Variants in ETS1 observed in about 807,000 individuals in gnomAD.
The protein encoded by ETS1 is protein C-ets-1.
Under a neutral mutation model 58.6 loss-of-function variants are expected in ETS1, and 15 were observed. That is an observed-to-expected ratio of 0.26 (90% CI 0.17 to 0.39). The LOEUF (loss-of-function observed/expected upper bound fraction) is 0.39, where lower values mean the gene tolerates loss of function less well. Among genes scored for constraint, ETS1 ranks in the 10% least tolerant of loss-of-function variants. The pLI is 1.00. For synonymous variants in ETS1, 214 were observed against 218.2 expected (o/e 0.98, Z 0.17); for missense variants, 417 against 610.5 (o/e 0.68, Z 3.34).
intron 3 of ETS1, chr11:128,526,987 G>C (rs552533232): frequency 1.5e-5 from 7 of 455,924 alleles, no homozygotes; most frequent in African/African-American, 6.0e-5. Flanking sequence ...CCTGATAGCA[G>C]TTCTCTCCCT....
intron 3 of ETS1, among the ~76,000 whole-genome samples, chr11:128,534,775 C>T (rs568338781): frequency 1.1e-4 from 16 of 152,316 alleles, no homozygotes; most frequent in Non-Finnish European, 1.8e-4. Context: ...TTTATAGCTG[C>T]ATAGTATTCC....
intron 3 of ETS1, among the ~76,000 whole-genome samples, chr11:128,539,184 G>T (rs1864018156): frequency 6.6e-6 from 1 of 152,136 alleles, no homozygotes; most frequent in Non-Finnish European, 1.5e-5. Context: ...GAAAAACAAA[G>T]AAAAAATAGA....
intron 3 of ETS1, among the ~76,000 whole-genome samples, chr11:128,531,217 G>C (rs1481012865): frequency 6.6e-6 from 1 of 152,210 alleles, no homozygotes; most frequent in Non-Finnish European, 1.5e-5. Flanking sequence ...CTGCTCTCCA[G>C]ATGTCAGTCT....
At chr11:128,477,831 AG>A (rs1013236426) in intron 8 of ETS1, among the ~76,000 whole-genome samples, 16 of 152,212 alleles carry the variant, frequency 1.1e-4, no homozygotes, top group African/African-American at 3.9e-4. Context: ...GTTATAATTG[AG>A]GGTTTTTTTC....
intron 3 of ETS1, among the ~76,000 whole-genome samples, chr11:128,520,258 C>CT (rs1863630343): frequency 1.3e-5 from 2 of 152,116 alleles, no homozygotes; most frequent in Non-Finnish European, 2.9e-5. Flanking sequence ...AAAAAAATTG[C>CT]CTCAGCTGTT....
chr11:128,551,596 T>C (rs1245233261), intron 3 of ETS1, among the ~76,000 whole-genome samples: 1 of 152,198 alleles, frequency 6.6e-6, no homozygotes, highest in Non-Finnish European at 1.5e-5. Flanking sequence ...TGCTCTAGCA[T>C]GTAAATGTAC....
intron 1 of ETS1, among the ~76,000 whole-genome samples, chr11:128,583,003 G>A (rs1864905405): frequency 6.6e-6 from 1 of 151,886 alleles, no homozygotes; most frequent in Non-Finnish European, 1.5e-5. Context: ...TTAGAGCAGT[G>A]CCTCCCAAAC....
At chr11:128,553,073 T>G (rs1179820045) in intron 3 of ETS1, among the ~76,000 whole-genome samples, 2 of 152,192 alleles carry the variant, frequency 1.3e-5, no homozygotes, top group Non-Finnish European at 2.9e-5. Flanking sequence ...TTCAGCCGTG[T>G]CTTGTGTAAG....
chr11:128,480,864 G>A (rs1591601998), intron 7 of ETS1, among the ~76,000 whole-genome samples: 1 of 152,140 alleles, frequency 6.6e-6, no homozygotes, highest in Non-Finnish European at 1.5e-5. Flanking sequence ...GCAATGTCAG[G>A]CTGAATTCCC....
At chr11:128,480,739 G>T (rs573981953) in intron 7 of ETS1, among the ~76,000 whole-genome samples, 2 of 152,268 alleles carry the variant, frequency 1.3e-5, no homozygotes, top group South Asian at 4.1e-4. Context: ...TGTCGGAGTA[G>T]CGTTTGGGTC....
At chr11:128,568,235 G>A (rs149958319) in intron 2 of ETS1, among the ~76,000 whole-genome samples, 3 of 152,052 alleles carry the variant, frequency 2.0e-5, no homozygotes, top group Non-Finnish European at 4.4e-5. Context: ...GAACTCCTCC[G>A]CACATCCTCC....
chr11:128,514,491 C>T (rs115707795), intron 3 of ETS1, among the ~76,000 whole-genome samples: 2,890 of 152,224 alleles, frequency 0.019, 106 homozygotes, highest in African/African-American at 0.066. Flanking sequence ...GAAAATAATC[C>T]TTTCCCTGTT....
At chr11:128,470,867 T>C (rs1253209631) in intron 8 of ETS1, among the ~76,000 whole-genome samples, 1 of 152,180 alleles carries the variant, frequency 6.6e-6, no homozygotes, top group Admixed American at 6.5e-5. Flanking sequence ...TAGGACTTTT[T>C]TAAGTTAGGG....
At chr11:128,490,428 C>G in intron 4 of ETS1, 29 bp downstream of exon 4, 1 of 1,613,088 alleles carries the variant, frequency 6.2e-7, no homozygotes, top group Non-Finnish European at 8.5e-7. Flanking sequence ...CTGACCCCAA[C>G]CACTCTTTTT....
chr11:128,544,922 T>C (rs975261686), intron 3 of ETS1, among the ~76,000 whole-genome samples: 1 of 151,726 alleles, frequency 6.6e-6, no homozygotes, highest in Non-Finnish European at 1.5e-5. Context: ...ACGTGCTGTG[T>C]ACACTGTGGG....
chr11:128,510,752 C>T (rs1272266537), intron 3 of ETS1, among the ~76,000 whole-genome samples: 1 of 152,132 alleles, frequency 6.6e-6, no homozygotes, highest in African/African-American at 2.4e-5. Context: ...CCTAGTAATC[C>T]AGAGGTACTC....
In ETS1 at chr11:128,490,595, T is replaced by G; in HGVS notation, c.215-19A>C. 1 of 1,598,634 alleles carries G rather than the reference T, an allele frequency of 6.3e-7. No individual in the cohort carries two copies. The highest frequency in any genetic ancestry group is 8.6e-7 in the Non-Finnish European group (1 of 1,167,066). On this transcript the variant is annotated intron_variant, in intron 3 of 9. Transcript: ENST00000392668. ...TCCATATCTGCATGAAAAAATTGCA[T>G]ATGAATAACAAAAATTACATAGGTA...
intron 2 of ETS1, among the ~76,000 whole-genome samples, chr11:128,557,958 C>T (rs987839083): frequency 4.6e-5 from 7 of 152,140 alleles, no homozygotes; most frequent in African/African-American, 1.7e-4. Flanking sequence ...TGCAATGGCC[C>T]ATTCACTTAA....
intron 3 of ETS1, among the ~76,000 whole-genome samples, chr11:128,512,720 C>T (rs1241342388): frequency 1.3e-5 from 2 of 152,270 alleles, no homozygotes; most frequent in African/African-American, 2.4e-5. Flanking sequence ...TCTGTGCAAA[C>T]AGCAGGCCAG....
Sources: allele counts gnomAD v4.1 joint callset (sites outside exome capture counted in the v4.1 genomes callset), GRCh38; gene constraint gnomAD v4.1.1; transcripts MANE v1.5; gene names NCBI Gene and HGNC (gene_info 2026-07-23, HGNC 2026-07-21).